FNBP1: variants seen among roughly 807,000 people sequenced by gnomAD.
The protein encoded by FNBP1 is formin binding protein 1.
A neutral mutation model predicts 90.6 loss-of-function variants in FNBP1; 26 were observed. The ratio of observed to expected loss-of-function variants is 0.29; its 90% CI spans 0.21 to 0.40. The LOEUF (loss-of-function observed/expected upper bound fraction) is 0.40. Ranked by LOEUF, FNBP1 falls within the 10% of genes least tolerant of loss-of-function variation. The pLI is 1.00. For missense variants in FNBP1, 635 were observed against 768.0 expected, an observed-to-expected ratio of 0.83 and a Z score of 2.05; for synonymous variants, 260 against 265.2, an observed-to-expected ratio of 0.98 and a Z score of 0.19.
In FNBP1 at chr9:130,041,105, G is replaced by A. The variant is rs2059787345; in HGVS notation, c.24+1847C>T. Among the ~76,000 whole-genome samples the A allele has an allele frequency of 6.6e-6, 1 of 150,808 alleles. No individual in the cohort carries two copies. The highest frequency in any genetic ancestry group is 6.6e-5 in the Admixed American group (1 of 15,116). The stretch of plus-strand genomic sequence containing the variant: ...TCCCGACTCAGCCTCCCAAGGTGCT[G>A]GCAATATAGGCCTGAGCCACTGCGC... On this transcript the variant is annotated intron_variant, in intron 1 of 16. Coordinates refer to ENST00000446176, the MANE Select transcript of FNBP1 (RefSeq NM_015033.3). This position sits in a 1 kb window ranked among gnomAD's most constrained non-coding sequence, Gnocchi z 4.3.
chr9:129,909,626 CTT>C (rs983212693), intron 11 of FNBP1, among the ~76,000 whole-genome samples: 1 of 148,922 alleles, frequency 6.7e-6, no homozygotes, highest in Non-Finnish European at 1.5e-5. Flanking sequence ...AGTCTAGTTA[CTT>C]TTTTTTTTTC....
intron 2 of FNBP1, among the ~76,000 whole-genome samples, chr9:129,980,870 T>C (rs903250533): frequency 4.6e-5 from 7 of 151,208 alleles, no homozygotes; most frequent in Admixed American, 1.3e-4. Context: ...GCTAACATGG[T>C]GAAACCCCGT....
chr9:129,965,463 C>A (rs2048412331), intron 4 of FNBP1, among the ~76,000 whole-genome samples: 1 of 152,182 alleles, frequency 6.6e-6, no homozygotes, highest in Non-Finnish European at 1.5e-5. Flanking sequence ...TCTCTGGCTA[C>A]TCCTCTGCTC....
intron 1 of FNBP1, among the ~76,000 whole-genome samples, chr9:130,004,671 A>G (rs1029285544): frequency 6.6e-6 from 1 of 152,232 alleles, no homozygotes; most frequent in Admixed American, 6.5e-5. Context: ...AGATTTACTC[A>G]AAGAGTAACT....
chr9:129,951,440 A>ATTTGTTTG (rs71385492), intron 6 of FNBP1, among the ~76,000 whole-genome samples: 12,406 of 148,832 alleles, frequency 0.083, 588 homozygotes, highest in African/African-American at 0.095. Context: ...TTATTTATTT[A>ATTTGTTTG]TTTGTTTGTT....
At chr9:129,958,312 A>G (rs1210485780) in intron 5 of FNBP1, among the ~76,000 whole-genome samples, 179 bp downstream of exon 5, 2 of 152,080 alleles carry the variant, frequency 1.3e-5, no homozygotes, top group African/African-American at 4.8e-5. Flanking sequence ...TGTGCCTGTA[A>G]TCTTAGCTAC....
At chr9:130,024,455 G>A (rs1375367257) in intron 1 of FNBP1, among the ~76,000 whole-genome samples, 1 of 152,028 alleles carries the variant, frequency 6.6e-6, no homozygotes, top group East Asian at 1.9e-4. Flanking sequence ...ATTGCACATT[G>A]GTGACACGTA....
At chr9:129,902,029 G>A (rs1043175335) in intron 13 of FNBP1, among the ~76,000 whole-genome samples, 3 of 152,194 alleles carry the variant, frequency 2.0e-5, no homozygotes, top group African/African-American at 7.2e-5. Context: ...AAACGTGGTA[G>A]GGAGAGTGGG....
intron 1 of FNBP1, among the ~76,000 whole-genome samples, chr9:130,000,146 T>C (rs1289250414): frequency 6.6e-6 from 1 of 152,220 alleles, no homozygotes; most frequent in African/African-American, 2.4e-5. Context: ...ACATTTTGAA[T>C]GGATCTTTTA....
Position 129,925,795 on chromosome 9 carries a change from T to C in FNBP1, c.790-638A>G, listed in dbSNP as rs1239235750. Among the ~76,000 whole-genome samples, 4 of 151,518 alleles carry C rather than the reference T, an allele frequency of 2.6e-5. No homozygotes were observed. In the South Asian group the frequency reaches 6.3e-4, roughly 24 times the overall value. ...TTTTAGTAGAGATGGGGTTTCGCCA[T>C]GTTGGCCAGGCTGGTCTCAAATTCT... is the stretch of plus-strand genomic sequence containing the variant. On this transcript the variant is annotated intron_variant, in intron 8 of 16. Coordinates refer to ENST00000446176, the MANE Select transcript of FNBP1 (RefSeq NM_015033.3).
At chr9:130,007,425 G>A (rs140467868) in intron 1 of FNBP1, among the ~76,000 whole-genome samples, 4 of 152,088 alleles carry the variant, frequency 2.6e-5, no homozygotes, top group South Asian at 2.1e-4. Flanking sequence ...TGAATGCAGC[G>A]GTGCTCTGAG....
intron 2 of FNBP1, among the ~76,000 whole-genome samples, chr9:129,984,301 C>G (rs1490285274): frequency 1.3e-5 from 2 of 152,066 alleles, no homozygotes; most frequent in East Asian, 3.8e-4. Flanking sequence ...AGAAAGGAGT[C>G]TAATCTCAGT....
chr9:129,899,301 C>G (rs1032515431), intron 15 of FNBP1, among the ~76,000 whole-genome samples: 2 of 151,884 alleles, frequency 1.3e-5, no homozygotes, highest in Admixed American at 6.6e-5. Context: ...TGGTCTTGAA[C>G]TCCTGGCCTC....
chr9:129,975,622 G>A (rs1000725149), intron 4 of FNBP1, among the ~76,000 whole-genome samples: 1 of 151,794 alleles, frequency 6.6e-6, no homozygotes, highest in South Asian at 2.1e-4. Flanking sequence ...AGGAATACGA[G>A]GGGGCACGGT....
upstream of FNBP1, among the ~76,000 whole-genome samples, chr9:130,047,469 T>C (rs541827864): frequency 6.6e-5 from 10 of 152,120 alleles, no homozygotes; most frequent in African/African-American, 2.2e-4. Flanking sequence ...AAAAATTAGC[T>C]GGGCATGGTG....
intron 16 of FNBP1, 21 bp downstream of exon 16, chr9:129,895,817 A>G (rs748373362): frequency 2.0e-6 from 3 of 1,526,822 alleles, no homozygotes; most frequent in South Asian, 1.2e-5. Flanking sequence ...TTTTTATGGT[A>G]TTAAATATAA....
chr9:130,037,670 G>T (rs1475753644), intron 1 of FNBP1, among the ~76,000 whole-genome samples: 2 of 152,070 alleles, frequency 1.3e-5, no homozygotes, highest in Admixed American at 6.6e-5. Flanking sequence ...GTGTGTATTT[G>T]GGGGCAGAAA....
Position 129,957,042 on chromosome 9 carries a change from C to CA in FNBP1, c.513+317_513+318insT, listed in dbSNP as rs1554814847. ...AAGACACACTTGAGCTTTCTTTTGT[C>CA]TTTTTTTTTTTTTGGCGATAGTTTC... On this transcript the variant is annotated intron_variant, in intron 6 of 16. Transcript: ENST00000446176. This position sits in a 1 kb window ranked among gnomAD's most constrained non-coding sequence, Gnocchi z 4.3. 2.1e-5 allele frequency among the ~76,000 whole-genome samples: 3 copies of CA among 143,856 alleles called. No homozygotes were observed. The highest frequency in any genetic ancestry group is 4.5e-5 in the Non-Finnish European group (3 of 66,082). The allele number at this position is 143,856 out of a possible 152,430, so 94.4% of individuals were successfully genotyped here. A position where few individuals can be genotyped will look rare whatever the true frequency, so the allele number is the denominator to read the frequency against.
chr9:129,973,470 T>C (rs1333526485), intron 4 of FNBP1, among the ~76,000 whole-genome samples: 1 of 152,104 alleles, frequency 6.6e-6, no homozygotes, highest in Non-Finnish European at 1.5e-5. Context: ...CTTAAATAGC[T>C]CCTTTTCTTC....
Sources: gnomAD v4.1 joint callset for allele counts (sites outside exome capture counted in the v4.1 genomes callset) on GRCh38, gnomAD v4.1.1 for gene constraint, Gnocchi (gnomAD v3.1) non-coding constraint, MANE v1.5 for transcripts, NCBI Gene and HGNC (gene_info 2026-07-23, HGNC 2026-07-21) for gene names.